The following NPAS3 variants were observed in gnomAD, a reference collection of about 807,000 sequenced individuals.
NPAS3 encodes the protein neuronal PAS domain protein 3, also known as neuronal PAS domain-containing protein 3.
In NPAS3, 14 loss-of-function variants were observed where a neutral mutation model predicts 73.1. That is an observed-to-expected ratio of 0.19 (90% CI 0.13 to 0.30). NPAS3 has a LOEUF of 0.30. NPAS3 is among the 10% of genes least tolerant of loss of function. NPAS3 has a pLI of 1.00. For missense variants in NPAS3, 1,096 were observed against 1,250.0 expected, an observed-to-expected ratio of 0.88 and a Z score of 1.86; for synonymous variants, 620 against 541.5, an observed-to-expected ratio of 1.14 and a Z score of -2.01.
At position 32,974,092 on chromosome 14, in the gene NPAS3, G is replaced by A. The variant is rs554343900; in HGVS notation, c.50+34726G>A. On this transcript the variant is annotated intron_variant, in intron 1 of 11. Coordinates refer to ENST00000356141, the Ensembl canonical transcript of NPAS3. ...AATAATGAGGAATTAGTACATGAAT[G>A]GCTCTACAGAGTGTAGAAAGAGAAC... Among the ~76,000 whole-genome samples the A allele has an allele frequency of 2.1e-4, 32 of 152,302 alleles. No homozygotes were observed. In the South Asian group the frequency reaches 2.9e-3, roughly 14 times the overall value.
chr14:33,326,104 C>A (rs944464851), intron 3 of NPAS3, among the ~76,000 whole-genome samples: 11 of 151,842 alleles, frequency 7.2e-5, no homozygotes, highest in Admixed American at 4.6e-4. Context: ...GGTGATGATA[C>A]CTTAATTTAA....
chr14:33,134,485 G>A (rs998741151), intron 2 of NPAS3, among the ~76,000 whole-genome samples: 3 of 151,938 alleles, frequency 2.0e-5, no homozygotes, highest in African/African-American at 7.3e-5. Flanking sequence ...GTTTTTTCAC[G>A]GATACTGAAA....
intron 1 of NPAS3, among the ~76,000 whole-genome samples, chr14:33,054,138 T>G (rs1247713332): frequency 2.6e-5 from 4 of 152,204 alleles, no homozygotes; most frequent in Admixed American, 2.6e-4. Flanking sequence ...ATTTGTCAGG[T>G]GGGCCTATTA....
At chr14:33,719,620 A>G (rs2061049996) in intron 6 of NPAS3, among the ~76,000 whole-genome samples, 1 of 152,204 alleles carries the variant, frequency 6.6e-6, no homozygotes. Flanking sequence ...AAAGAAGCGG[A>G]GTCTTAAGGA....
intron 4 of NPAS3, among the ~76,000 whole-genome samples, chr14:33,382,918 T>C (rs967088773): frequency 1.3e-5 from 2 of 152,042 alleles, no homozygotes; most frequent in Admixed American, 1.3e-4. Flanking sequence ...TGGCAATACC[T>C]CATCTCTACA....
chr14:33,053,276 C>T (rs2040774347), intron 1 of NPAS3, among the ~76,000 whole-genome samples: 1 of 152,220 alleles, frequency 6.6e-6, no homozygotes, highest in African/African-American at 2.4e-5. Flanking sequence ...GAACAATTTA[C>T]TACTCTGCCT....
chr14:33,322,821 A>G (rs1456749644), intron 3 of NPAS3, among the ~76,000 whole-genome samples: 1 of 152,120 alleles, frequency 6.6e-6, no homozygotes, highest in African/African-American at 2.4e-5. Context: ...TTGGTGTAGG[A>G]CATCCTTCCC....
At chr14:33,352,334 A>C (rs1189645290) in intron 3 of NPAS3, among the ~76,000 whole-genome samples, 1 of 152,202 alleles carries the variant, frequency 6.6e-6, no homozygotes, top group African/African-American at 2.4e-5. Context: ...GACTTTCTTT[A>C]ATCTTCGTCG....
intron 5 of NPAS3, among the ~76,000 whole-genome samples, chr14:33,639,461 G>A (rs2058616128): frequency 6.6e-6 from 1 of 152,108 alleles, no homozygotes; most frequent in African/African-American, 2.4e-5. Flanking sequence ...TTCTGTGTAA[G>A]GTCTCGCTGG....
In NPAS3 at chr14:33,756,598, C is replaced by T. The variant is rs569810640; in HGVS notation, c.853-17739C>T. 6.6e-5 allele frequency among the ~76,000 whole-genome samples: 10 copies of T among 152,292 alleles called. No individual in the cohort carries two copies. In the South Asian group the frequency reaches 1.5e-3, roughly 22 times the overall value. On this transcript the variant is annotated intron_variant, in intron 7 of 11. Transcript: ENST00000356141. Reference sequence around the variant, plus strand: ...ACACTTCATCTCTCTTAGCCTCCAGCTCCTTATTTACAGAAAGGAGATACT... The same window carrying T: ...ACACTTCATCTCTCTTAGCCTCCAGTTCCTTATTTACAGAAAGGAGATACT...
chr14:33,566,071 T>C (rs911867195), intron 5 of NPAS3, among the ~76,000 whole-genome samples: 4 of 152,064 alleles, frequency 2.6e-5, no homozygotes, highest in Admixed American at 6.6e-5. Context: ...TTGGAGACTA[T>C]TGAGAAAATA....
At chr14:33,560,957 T>C (rs1329829885) in intron 5 of NPAS3, among the ~76,000 whole-genome samples, 1 of 152,232 alleles carries the variant, frequency 6.6e-6, no homozygotes, top group African/African-American at 2.4e-5. Flanking sequence ...CAGCTAATTA[T>C]CCAGATGTTT....
intron 4 of NPAS3, among the ~76,000 whole-genome samples, chr14:33,401,317 T>G (rs2047436045): frequency 6.6e-6 from 1 of 152,138 alleles, no homozygotes; most frequent in African/African-American, 2.4e-5. Context: ...CAGATCACGT[T>G]TCAATCACAG....
At chr14:33,709,939 G>T (rs1424324736) in intron 6 of NPAS3, among the ~76,000 whole-genome samples, 4 of 152,192 alleles carry the variant, frequency 2.6e-5, no homozygotes, top group African/African-American at 9.6e-5. Flanking sequence ...AGCCTGGAGA[G>T]CACTGAAGGT....
chr14:33,039,452 C>T (rs550924406), intron 1 of NPAS3, among the ~76,000 whole-genome samples: 7 of 152,270 alleles, frequency 4.6e-5, no homozygotes, highest in African/African-American at 1.2e-4. Flanking sequence ...TCCCCACCCC[C>T]TCTTGGACTG....
intron 1 of NPAS3, among the ~76,000 whole-genome samples, chr14:32,978,886 G>T (rs556171951): frequency 7.9e-5 from 12 of 152,292 alleles, no homozygotes; most frequent in Admixed American, 2.6e-4. Context: ...TCTCTAAGGT[G>T]ACACCCTTTG....
intron 5 of NPAS3, among the ~76,000 whole-genome samples, chr14:33,561,543 T>C (rs2055649546): frequency 6.6e-6 from 1 of 152,204 alleles, no homozygotes; most frequent in Non-Finnish European, 1.5e-5. Flanking sequence ...TTACTATTCT[T>C]GTATCTTATT....
chr14:33,026,593 A>G (rs1238532779), intron 1 of NPAS3, among the ~76,000 whole-genome samples: 1 of 143,668 alleles, frequency 7.0e-6, no homozygotes, highest in African/African-American at 2.6e-5. Context: ...CTCATATTTT[A>G]TGGAGAGCTA....
At chr14:33,794,265 A>G (rs1237917427) in intron 10 of NPAS3, among the ~76,000 whole-genome samples, 3 of 152,246 alleles carry the variant, frequency 2.0e-5, no homozygotes, top group East Asian at 1.9e-4. Context: ...AAGATTTTCA[A>G]TCATTCTTGG....
Sources: gnomAD v4.1 joint callset for allele counts (sites outside exome capture counted in the v4.1 genomes callset) on GRCh38, gnomAD v4.1.1 for gene constraint, MANE v1.5 for transcripts, NCBI Gene and HGNC (gene_info 2026-07-23, HGNC 2026-07-21) for gene names.